The following CTNNA3 variants were observed in gnomAD, a reference collection of about 807,000 sequenced individuals.
CTNNA3 encodes the protein catenin alpha 3.
In CTNNA3, 76 loss-of-function variants were observed where a neutral mutation model predicts 95.7. The ratio of observed to expected loss-of-function variants is 0.79; its 90% CI spans 0.66 to 0.96. The LOEUF (loss-of-function observed/expected upper bound fraction) is 0.96. CTNNA3 is among the 40% of genes least tolerant of loss of function. The pLI, the probability that CTNNA3 is intolerant of heterozygous loss-of-function variation, is 0.00. For missense variants in CTNNA3, 1,191 were observed against 1,089.8 expected (o/e 1.09, Z -1.31); for synonymous variants, 431 against 374.4 (o/e 1.15, Z -1.74).
intron 15 of CTNNA3, among the ~76,000 whole-genome samples, chr10:66,042,863 G>A (rs969198971): frequency 8.8e-6 from 1 of 113,882 alleles, no homozygotes; most frequent in East Asian, 2.8e-4. Context: ...TCGCTCTATT[G>A]TACTCCAGCC....
At chr10:66,292,802 T>A (rs1389602281) in intron 12 of CTNNA3, among the ~76,000 whole-genome samples, 1 of 152,182 alleles carries the variant, frequency 6.6e-6, no homozygotes, top group Non-Finnish European at 1.5e-5. Flanking sequence ...CCTGCAAATG[T>A]AGAGAGAAAG....
intron 5 of CTNNA3, among the ~76,000 whole-genome samples, chr10:67,443,219 A>G (rs558015124): frequency 7.9e-4 from 119 of 150,950 alleles, no homozygotes; most frequent in African/African-American, 2.8e-3. Context: ...GGTTGGTTCC[A>G]AGTCTTTGCT....
intron 13 of CTNNA3, among the ~76,000 whole-genome samples, chr10:66,164,157 T>A (rs1036968073): frequency 6.6e-6 from 1 of 152,152 alleles, no homozygotes; most frequent in Non-Finnish European, 1.5e-5. Context: ...ACTATAAAAT[T>A]TGTCTGTAAC....
At chr10:66,800,101 T>A (rs1332015703) in intron 7 of CTNNA3, among the ~76,000 whole-genome samples, 1 of 151,410 alleles carries the variant, frequency 6.6e-6, no homozygotes, top group Non-Finnish European at 1.5e-5. Context: ...ATCAGTGTTT[T>A]TGATGGTATA....
At chr10:66,653,026 T>C (rs1845962549) in intron 9 of CTNNA3, among the ~76,000 whole-genome samples, 1 of 152,144 alleles carries the variant, frequency 6.6e-6, no homozygotes, top group South Asian at 2.1e-4. Context: ...CCATGGCTAA[T>C]ATCATACTGG....
At chr10:67,273,412 T>C (rs531591320) in intron 5 of CTNNA3, among the ~76,000 whole-genome samples, 1 of 152,112 alleles carries the variant, frequency 6.6e-6, no homozygotes, top group Non-Finnish European at 1.5e-5. Context: ...AAACCACCAT[T>C]AGATGCCAAT....
intron 1 of CTNNA3, among the ~76,000 whole-genome samples, chr10:67,722,788 T>C (rs181299982): frequency 1.3e-5 from 2 of 152,274 alleles, no homozygotes; most frequent in East Asian, 3.9e-4. Context: ...TTTCATAAAT[T>C]AAGCTTATAT....
At chr10:67,211,527 G>T (rs1254140724) in intron 6 of CTNNA3, among the ~76,000 whole-genome samples, 2 of 152,040 alleles carry the variant, frequency 1.3e-5, no homozygotes, top group Non-Finnish European at 1.5e-5. Flanking sequence ...CTCACACTAG[G>T]TTCTGAAATA....
At chr10:67,393,070 TAAATAA>T (rs1291128933) in intron 5 of CTNNA3, among the ~76,000 whole-genome samples, 2 of 150,068 alleles carry the variant, frequency 1.3e-5, no homozygotes, top group Non-Finnish European at 3.0e-5. Flanking sequence ...AAAAAAAAAA[TAAATAA>T]AAATAAAAAT....
At chr10:67,545,901 C>T (rs1461037546) in intron 3 of CTNNA3, among the ~76,000 whole-genome samples, 1 of 152,082 alleles carries the variant, frequency 6.6e-6, no homozygotes, top group Non-Finnish European at 1.5e-5. Flanking sequence ...TTTAGTCAAA[C>T]TTTAATTATG....
chr10:67,178,884 G>C (rs558543659), intron 7 of CTNNA3, among the ~76,000 whole-genome samples: 1 of 150,090 alleles, frequency 6.7e-6, no homozygotes, highest in Non-Finnish European at 1.5e-5. Context: ...GGATATTCTA[G>C]CTTCAGGCAT....
At chr10:65,958,868 C>A (rs184308345) in intron 17 of CTNNA3, among the ~76,000 whole-genome samples, 2 of 152,290 alleles carry the variant, frequency 1.3e-5, no homozygotes, top group Non-Finnish European at 2.9e-5. Context: ...GCAGTCTGTC[C>A]GTTCTCAGAT....
intron 17 of CTNNA3, among the ~76,000 whole-genome samples, chr10:65,931,560 G>A (rs966658229): frequency 2.7e-5 from 4 of 150,196 alleles, no homozygotes; most frequent in Non-Finnish European, 5.9e-5. Context: ...GTGTAAAAAT[G>A]CACCCTGAGG....
At chr10:66,782,132 A>T (rs553545364) in intron 7 of CTNNA3, among the ~76,000 whole-genome samples, 1 of 152,316 alleles carries the variant, frequency 6.6e-6, no homozygotes, top group South Asian at 2.1e-4. Flanking sequence ...GTCTTTGAAC[A>T]AGTGACTTAA....
At chr10:66,550,595 G>A (rs575533261) in intron 10 of CTNNA3, among the ~76,000 whole-genome samples, 5 of 152,270 alleles carry the variant, frequency 3.3e-5, no homozygotes, top group African/African-American at 1.2e-4. Context: ...GGCCCTCTAA[G>A]AGAAAGTTTG....
intron 7 of CTNNA3, among the ~76,000 whole-genome samples, chr10:66,829,346 C>T (rs1329989307): frequency 6.6e-6 from 1 of 152,166 alleles, no homozygotes; most frequent in Non-Finnish European, 1.5e-5. Flanking sequence ...TGCGGTGGCT[C>T]ATACCTGTAA....
At chr10:66,827,343 T>C (rs1321710597) in intron 7 of CTNNA3, among the ~76,000 whole-genome samples, 1 of 152,212 alleles carries the variant, frequency 6.6e-6, no homozygotes, top group Non-Finnish European at 1.5e-5. Context: ...ATATTAGACA[T>C]GTTTATTAAT....
intron 7 of CTNNA3, among the ~76,000 whole-genome samples, chr10:67,064,926 A>T (rs1369689057): frequency 6.6e-6 from 1 of 152,236 alleles, no homozygotes; most frequent in African/African-American, 2.4e-5. Context: ...TGAGGCAAGA[A>T]GAACTTTCAA....
intron 7 of CTNNA3, among the ~76,000 whole-genome samples, chr10:66,829,343 G>A (rs1260785984): frequency 1.3e-5 from 2 of 152,164 alleles, no homozygotes; most frequent in Non-Finnish European, 2.9e-5. Context: ...GGGTGCGGTG[G>A]CTCATACCTG....
Sources: allele counts gnomAD v4.1 joint callset (sites outside exome capture counted in the v4.1 genomes callset), GRCh38; gene constraint gnomAD v4.1.1; transcripts MANE v1.5; gene names NCBI Gene and HGNC (gene_info 2026-07-23, HGNC 2026-07-21).